TBC1D22A: variants seen among roughly 807,000 people sequenced by gnomAD.
The protein encoded by TBC1D22A is TBC1 domain family member 22A.
In TBC1D22A, 38 loss-of-function variants were observed where a neutral mutation model predicts 60.2. That is an observed-to-expected ratio of 0.63 (90% CI 0.49 to 0.83). The LOEUF is 0.83. TBC1D22A is among the 40% of genes least tolerant of loss of function. The pLI is 0.00. For missense variants in TBC1D22A, 628 were observed against 701.0 expected (o/e 0.90, Z 1.18); for synonymous variants, 302 against 281.7 (o/e 1.07, Z -0.72).
intron 5 of TBC1D22A, 26 bp from the exon 6 acceptor site, chr22:46,891,240 A>AT: frequency 1.3e-6 from 2 of 1,592,364 alleles, no homozygotes; most frequent in South Asian, 2.3e-5. Context: ...ATAACCATGT[A>AT]TATTTTTTGT....
chr22:46,765,760 C>T (rs1786737963), intron 1 of TBC1D22A, among the ~76,000 whole-genome samples: 1 of 149,162 alleles, frequency 6.7e-6, no homozygotes, highest in Non-Finnish European at 1.5e-5. Context: ...AGCCTCCATG[C>T]CTGGCCTTGT....
chr22:46,927,882 C>T (rs148321289), intron 8 of TBC1D22A, among the ~76,000 whole-genome samples: 26 of 152,218 alleles, frequency 1.7e-4, no homozygotes, highest in Middle Eastern at 6.8e-3. Flanking sequence ...GTGCAACATT[C>T]GCACTCTGAA....
At chr22:46,808,422 AT>A (rs973528183) in intron 4 of TBC1D22A, among the ~76,000 whole-genome samples, 12 of 152,228 alleles carry the variant, frequency 7.9e-5, no homozygotes, top group African/African-American at 2.7e-4. Flanking sequence ...AAATAAAAAA[AT>A]AATCCAGTTA....
At chr22:46,854,188 T>G (rs952724844) in intron 4 of TBC1D22A, among the ~76,000 whole-genome samples, 3 of 152,164 alleles carry the variant, frequency 2.0e-5, no homozygotes, top group Non-Finnish European at 4.4e-5. Flanking sequence ...GTCTTGGGAT[T>G]TTGCCCTGTC....
intron 8 of TBC1D22A, among the ~76,000 whole-genome samples, chr22:46,923,621 G>A (rs1205794284): frequency 2.0e-5 from 3 of 152,340 alleles, no homozygotes; most frequent in Non-Finnish European, 4.4e-5. Flanking sequence ...CCCGCTCAGC[G>A]CTCACTCAGG....
intron 10 of TBC1D22A, among the ~76,000 whole-genome samples, chr22:47,025,147 C>G (rs1478868421): frequency 6.6e-6 from 1 of 152,102 alleles, no homozygotes; most frequent in Non-Finnish European, 1.5e-5. Flanking sequence ...AAGAAATGGA[C>G]AGAGACACAG....
intron 7 of TBC1D22A, among the ~76,000 whole-genome samples, chr22:46,908,823 G>T (rs979049268): frequency 6.6e-6 from 1 of 152,130 alleles, no homozygotes; most frequent in Non-Finnish European, 1.5e-5. Context: ...ACCTCCTGCC[G>T]TGCCTGTTTG....
chr22:47,151,728 C>A (rs918393013), intron 12 of TBC1D22A, among the ~76,000 whole-genome samples: 1 of 152,240 alleles, frequency 6.6e-6, no homozygotes, highest in African/African-American at 2.4e-5. Flanking sequence ...TGACCTTACT[C>A]TCCTGGAAGC....
intron 1 of TBC1D22A, among the ~76,000 whole-genome samples, chr22:46,778,347 C>G (rs940044578): frequency 1.3e-5 from 2 of 152,166 alleles, no homozygotes; most frequent in African/African-American, 2.4e-5. Context: ...CTTTTTGACT[C>G]CTTTCTATTG....
At position 47,171,185 on chromosome 22, in the gene TBC1D22A, C is replaced by G. The variant is rs752427817; in HGVS notation, c.1426-2313C>G. On this transcript the variant is annotated intron_variant, in intron 12 of 12. Coordinates refer to ENST00000337137, the MANE Select transcript of TBC1D22A (RefSeq NM_014346.5). ...GCCCAAGACCACCTGGACAGGAAGA[C>G]AGGATGTGAACTTCAGAGCCCAGCT... Among the ~76,000 whole-genome samples, 61 of 152,324 alleles carry G rather than the reference C, an allele frequency of 4.0e-4. 1 individual carries two copies. Among genetic ancestry groups the G allele is most frequent in the Middle Eastern group, 6.8e-3 (2 of 294 alleles).
chr22:46,992,141 C>T (rs2074967644), intron 9 of TBC1D22A, among the ~76,000 whole-genome samples: 1 of 152,234 alleles, frequency 6.6e-6, no homozygotes, highest in Non-Finnish European at 1.5e-5. Flanking sequence ...CCAAGACGAC[C>T]CCACAGAGCC....
At position 46,797,809 on chromosome 22, in the gene TBC1D22A, T is replaced by A. The variant is rs188339016; in HGVS notation, c.637+189T>A. 3.2e-3 allele frequency among the ~76,000 whole-genome samples: 483 copies of A among 152,370 alleles called. 4 individuals are homozygous for A. The highest frequency in any genetic ancestry group is 0.027 in the Admixed American group (415 of 15,306). The stretch of plus-strand genomic sequence containing the variant: ...CACTAAGGTAGTAGCAATTTGTGCT[T>A]TAGACAAGTTTTGTTAATGTTTTTC... On this transcript the variant is annotated intron_variant, in intron 4 of 12. Transcript: ENST00000337137.
At chr22:46,954,129 C>T (rs1196716918) in intron 8 of TBC1D22A, among the ~76,000 whole-genome samples, 2 of 152,124 alleles carry the variant, frequency 1.3e-5, no homozygotes, top group African/African-American at 4.8e-5. Flanking sequence ...GGCCCATAGG[C>T]ACTAGAGTCA....
chr22:46,957,860 C>T (rs2073289951), intron 8 of TBC1D22A, among the ~76,000 whole-genome samples: 1 of 152,202 alleles, frequency 6.6e-6, no homozygotes, highest in Non-Finnish European at 1.5e-5. Context: ...AAACAGTGTG[C>T]ATGGAACACG....
At chr22:46,993,810 G>A in intron 9 of TBC1D22A, among the ~76,000 whole-genome samples, 1 of 152,188 alleles carries the variant, frequency 6.6e-6, no homozygotes, top group Non-Finnish European at 1.5e-5. Flanking sequence ...CACGGTGTCT[G>A]CCTCCTTAGA....
Position 46,793,763 on chromosome 22 carries a change from G to T in TBC1D22A, c.382G>T (p.Ala128Ser), listed in dbSNP as rs767188708. Residue 128 changes from alanine (A) to serine (S), a missense_variant, in exon 3 of 13, where the codon GCA becomes TCA. Physicochemically the swap from Ala to Ser is moderately conservative, Grantham distance 99. Coordinates refer to ENST00000337137, the MANE Select transcript of TBC1D22A (RefSeq NM_014346.5). ...GCTTCAGCAGAAGCCCAGGCCCGAG[G>T]CAGAGCCGCCCTCACCCCCCAGCGG... ...PGLQQKPRPE[A>S]EPPSPPSGDL... 1 of 1,604,856 alleles carries T rather than the reference G, an allele frequency of 6.2e-7. No homozygotes were observed. Among genetic ancestry groups the T allele is most frequent in the Admixed American group, 1.7e-5 (1 of 58,504 alleles).
chr22:46,827,327 C>T (rs902387857), intron 4 of TBC1D22A, among the ~76,000 whole-genome samples: 7 of 152,294 alleles, frequency 4.6e-5, no homozygotes, highest in Middle Eastern at 3.4e-3. Context: ...TCCCATGCAG[C>T]GAATGCATCA....
At chr22:47,085,052 GGCGGATC>G (rs1263400826) in intron 11 of TBC1D22A, among the ~76,000 whole-genome samples, 1 of 152,238 alleles carries the variant, frequency 6.6e-6, no homozygotes, top group African/African-American at 2.4e-5. Flanking sequence ...GGCTAAGGCA[GGCGGATC>G]GCCTGAAGGT....
intron 4 of TBC1D22A, among the ~76,000 whole-genome samples, chr22:46,872,781 A>T (rs1421408981): frequency 6.6e-6 from 1 of 152,186 alleles, no homozygotes; most frequent in East Asian, 1.9e-4. Flanking sequence ...AGAACCCCAG[A>T]TGTCTGCAAA....
Sources: allele counts gnomAD v4.1 joint callset (sites outside exome capture counted in the v4.1 genomes callset), GRCh38; gene constraint gnomAD v4.1.1; transcripts MANE v1.5; gene names NCBI Gene and HGNC (gene_info 2026-07-23, HGNC 2026-07-21).